Variants in FNIP2 observed in about 807,000 individuals in gnomAD.
FNIP2 encodes the protein folliculin interacting protein 2, also known as folliculin-interacting protein 2.
Under a neutral mutation model 108.7 loss-of-function variants are expected in FNIP2, and 32 were observed. The observed-to-expected ratio is 0.29, with a 90% CI of 0.22 to 0.40. FNIP2 has a LOEUF of 0.40. Among genes scored for constraint, FNIP2 ranks in the 10% least tolerant of loss-of-function variants. FNIP2 has a pLI of 1.00. For synonymous variants in FNIP2, 480 were observed against 496.7 expected, an observed-to-expected ratio of 0.97 and a Z score of 0.45; for missense variants, 1,202 against 1,381.6, an observed-to-expected ratio of 0.87 and a Z score of 2.06.
In FNIP2 at chr4:158,815,588, TCTC is replaced by T. The variant is rs757258336; in HGVS notation, c.108-10325_108-10323del. On this transcript the variant is annotated intron_variant, in intron 1 of 16. Coordinates refer to ENST00000264433, the MANE Select transcript of FNIP2 (RefSeq NM_020840.3). ...CACGTGTTAGCCAGGATGCTCTTGA[TCTC>T]CTGACCTCGTGATCCGCCAGCCTCG... Among the ~76,000 whole-genome samples the T allele has an allele frequency of 9.2e-4, 140 of 152,022 alleles. 1 individual carries two copies. Among genetic ancestry groups the T allele is most frequent in the Admixed American group, 1.6e-3 (25 of 15,256 alleles).
rs769751771 is a variant in FNIP2, at chr4:158,831,976, C to T, written c.482+15C>T. 3.5e-5 allele frequency: 56 copies of T among 1,605,422 alleles called. No homozygotes were observed. The highest frequency in any genetic ancestry group is 4.2e-5 in the Non-Finnish European group (49 of 1,173,666). On this transcript the variant is annotated intron_variant, in intron 4 of 16. Coordinates refer to ENST00000264433, the MANE Select transcript of FNIP2 (RefSeq NM_020840.3). Reference sequence around the variant, plus strand: ...CACTACATACGGTGAGTCTGGGCTTCCTTTTCTACTAGTTTTGAGAAGTGG... The same window carrying T: ...CACTACATACGGTGAGTCTGGGCTTTCTTTTCTACTAGTTTTGAGAAGTGG...
intron 7 of FNIP2, among the ~76,000 whole-genome samples, chr4:158,847,421 AG>A (rs1779465653): frequency 6.6e-6 from 1 of 152,188 alleles, no homozygotes. Flanking sequence ...AGTAGGATAG[AG>A]CACTGGGCAA....
chr4:158,885,235 C>A (rs955106433), intron 14 of FNIP2, among the ~76,000 whole-genome samples: 9 of 152,166 alleles, frequency 5.9e-5, no homozygotes, highest in African/African-American at 2.2e-4. Context: ...ATGATCCAAA[C>A]TCCTCCTACC....
chr4:158,834,090 A>ACT, intron 6 of FNIP2: 1 of 260,224 alleles, frequency 3.8e-6, no homozygotes, highest in South Asian at 4.2e-5. Flanking sequence ...CTTCGCTAAT[A>ACT]CTCTAGTGTA....
chr4:158,802,525 T>C (rs1202644747), intron 1 of FNIP2, among the ~76,000 whole-genome samples: 2 of 152,222 alleles, frequency 1.3e-5, no homozygotes, highest in African/African-American at 2.4e-5. Context: ...CGTTTCTCAA[T>C]TGTTGCTTCT....
chr4:158,809,545 A>C lies in FNIP2; in HGVS notation c.108-16371A>C, dbSNP rs1327977591. On this transcript the variant is annotated intron_variant, in intron 1 of 16. Transcript: ENST00000264433. ...AATTGCTTTCAATCCTCTTTCTTAA[A>C]ATATTGACTATAGCAAAGCTGCCAA... is the stretch of plus-strand genomic sequence containing the variant. Among the ~76,000 whole-genome samples the C allele has an allele frequency of 6.6e-5, 10 of 152,234 alleles. No individual in the cohort carries two copies. In the East Asian group the frequency reaches 1.9e-3, roughly 29 times the overall value.
At chr4:158,841,801 C>T (rs968169349) in intron 7 of FNIP2, among the ~76,000 whole-genome samples, 1 of 152,244 alleles carries the variant, frequency 6.6e-6, no homozygotes, top group Non-Finnish European at 1.5e-5. Flanking sequence ...CATGTAGCTG[C>T]AGTCTAGAAC....
chr4:158,865,581 C>A (rs1338534396), intron 12 of FNIP2, among the ~76,000 whole-genome samples: 2 of 152,124 alleles, frequency 1.3e-5, no homozygotes, highest in African/African-American at 4.8e-5. Context: ...AAATAATATT[C>A]TAAGTGGTCT....
rs764958586 is a variant in FNIP2 at position 158,829,181 on chromosome 4, G to A, written c.337G>A (p.Gly113Arg). 1 of 1,612,692 alleles carries A rather than the reference G, an allele frequency of 6.2e-7. No individual in the cohort carries two copies. The highest frequency in any genetic ancestry group is 1.3e-5 in the African/African-American group (1 of 74,858). ...CAGCATCTCTTCCCACAGTTCTTCT[G>A]GGGGATCTTCACATCATGCTAAGGA... Reference protein sequence around the residue: ...SSSISSHSSSGGSSHHAKEQL... With the variant: ...SSSISSHSSSRGSSHHAKEQL... The change falls in exon 3 of 17, where the codon GGG becomes AGG. Residue 113 changes from glycine (G) to arginine (R), a missense_variant. Physicochemically the swap from Gly to Arg is moderately radical, Grantham distance 125. Transcript: ENST00000264433.
chr4:158,844,095 G>A (rs929427809), intron 7 of FNIP2, among the ~76,000 whole-genome samples: 4 of 152,134 alleles, frequency 2.6e-5, no homozygotes, highest in African/African-American at 7.2e-5. Context: ...CTTCTTTCTC[G>A]ACTTACCACA....
chr4:158,837,583 CT>C (rs751709151), intron 7 of FNIP2, among the ~76,000 whole-genome samples: 26 of 152,338 alleles, frequency 1.7e-4, no homozygotes, highest in Non-Finnish European at 2.9e-4. Context: ...CCTGAAACTA[CT>C]TTTCCTTGCT....
At chr4:158,822,174 CTTTTT>C (rs70962634) in intron 1 of FNIP2, among the ~76,000 whole-genome samples, 3 of 118,174 alleles carry the variant, frequency 2.5e-5, no homozygotes, top group East Asian at 4.5e-4. Flanking sequence ...GAGTTTTCCT[CTTTTT>C]TTTTTTTTTT....
At chr4:158,837,548 T>A (rs1778878279) in intron 7 of FNIP2, among the ~76,000 whole-genome samples, 1 of 152,246 alleles carries the variant, frequency 6.6e-6, no homozygotes, top group Non-Finnish European at 1.5e-5. Flanking sequence ...ATCTTACTTG[T>A]TTTGTATTCA....
intron 6 of FNIP2, 90 bp from the exon 7 acceptor site, chr4:158,835,315 T>C: frequency 9.6e-7 from 1 of 1,045,938 alleles, no homozygotes; most frequent in Non-Finnish European, 1.5e-6. Flanking sequence ...AGCAGTAGCC[T>C]ACTTTGAAAT....
intron 6 of FNIP2, chr4:158,834,319 T>TCTCTCTCTCTCTCTCTCTCC: frequency 6.7e-6 from 1 of 149,712 alleles, no homozygotes; most frequent in Non-Finnish European, 1.5e-5. Flanking sequence ...TCTCTCTCTC[T>TCTCTCTCTCTCTCTCTCTCC]CTCTCTCTCT....
At chr4:158,867,424 C>G (rs1560814679) in intron 12 of FNIP2, among the ~76,000 whole-genome samples, 1 of 152,096 alleles carries the variant, frequency 6.6e-6, no homozygotes, top group Non-Finnish European at 1.5e-5. Context: ...AACTCTTGAC[C>G]TAAGGTGATT....
intron 1 of FNIP2, among the ~76,000 whole-genome samples, chr4:158,807,510 A>T (rs1296766759): frequency 6.6e-6 from 1 of 152,154 alleles, no homozygotes. Flanking sequence ...CGCTTTAAAA[A>T]TAATAATAAT....
chr4:158,818,268 C>T (rs908824569), intron 1 of FNIP2, among the ~76,000 whole-genome samples: 16 of 152,254 alleles, frequency 1.1e-4, no homozygotes, highest in Admixed American at 7.8e-4. Flanking sequence ...GTTTTAGTGG[C>T]AAGGAGGGGG....
In FNIP2 at chr4:158,868,377, C is replaced by A; in HGVS notation, c.1741C>A (p.Pro581Thr). 6.2e-7 allele frequency: 1 copy of A among 1,613,982 alleles called. No homozygotes were observed. ...TVRNEPALVP[P>T]ILPPTAAERH... ...GAGGAACGAGCCCGCTCTTGTACCC[C>A]CCATCCTACCACCAACAGCAGCAGA... Residue 581 changes from proline (P) to threonine (T), a missense_variant, in exon 13 of 17, where the codon CCC becomes ACC. Coordinates refer to ENST00000264433, the MANE Select transcript of FNIP2 (RefSeq NM_020840.3). The surrounding 1 kb of genome is among the most constrained non-coding windows in gnomAD (Gnocchi z 4.6).
Sources: gnomAD v4.1 joint callset for allele counts (sites outside exome capture counted in the v4.1 genomes callset) on GRCh38, gnomAD v4.1.1 for gene constraint, Gnocchi (gnomAD v3.1) non-coding constraint, MANE v1.5 for transcripts, NCBI Gene and HGNC (gene_info 2026-07-23, HGNC 2026-07-21) for gene names.